The following TTC13 variants were observed in gnomAD, a reference collection of about 807,000 sequenced individuals.
The protein encoded by TTC13 is tetratricopeptide repeat protein 13.
A neutral mutation model predicts 120.0 loss-of-function variants in TTC13; 62 were observed. The ratio of observed to expected loss-of-function variants is 0.52; its 90% CI spans 0.42 to 0.64. The LOEUF is 0.64. TTC13 is among the 30% of genes least tolerant of loss of function. The probability of loss-of-function intolerance (pLI) is 0.00; values close to 1 mark genes in which losing one functional copy is unlikely to be tolerated. For missense variants in TTC13, 824 were observed against 1,050.2 expected (o/e 0.78, Z 2.98); for synonymous variants, 384 against 393.5 (o/e 0.98, Z 0.28).
chr1:230,954,517 T>G, intron 3 of TTC13, 114 bp from the exon 4 acceptor site: 2 of 744,004 alleles, frequency 2.7e-6, no homozygotes, highest in Non-Finnish European at 4.3e-6. Context: ...TGGAAGCAGT[T>G]AAAGAAAACC....
rs187941037 is a variant in TTC13, at chr1:230,939,334, A to G, written c.900+52T>C. 697 of 1,189,288 alleles carry G rather than the reference A, an allele frequency of 5.9e-4. 9 individuals carry two copies. In the African/African-American group the frequency reaches 9.1e-3, roughly 16 times the overall value. 73.7% of individuals were successfully genotyped at this position (1,189,288 alleles called of 1,614,324 possible). On this transcript the variant is annotated intron_variant, in intron 8 of 22. Coordinates refer to ENST00000366661, the MANE Select transcript of TTC13 (RefSeq NM_024525.5). ...CAATCAAACGAAATTCCTCCCACCC[A>G]CAAAAGAGAAGCAGAGTCATCATAT...
chr1:230,936,171 G>T (rs746481256), intron 8 of TTC13: 1 of 456,010 alleles, frequency 2.2e-6, no homozygotes, highest in Non-Finnish European at 4.4e-6. Context: ...ATGCTTGGAC[G>T]CCACAGTTCT....
Position 230,978,799 on chromosome 1 carries a change from C to A in TTC13, c.32G>T (p.Cys11Phe). 6.8e-7 allele frequency: 1 copy of A among 1,473,932 alleles called. No individual in the cohort carries two copies. Among genetic ancestry groups the A allele is most frequent in the Non-Finnish European group, 8.9e-7 (1 of 1,119,586 alleles). The allele number at this position is 1,473,932 out of a possible 1,614,324, so 91.3% of individuals were successfully genotyped here. A position where few individuals can be genotyped will look rare whatever the true frequency, so the allele number is the denominator to read the frequency against. Reference protein sequence around the residue: MAPAGCCCCCCFWGGAVAAAG... With the variant: MAPAGCCCCCFFWGGAVAAAG... The stretch of plus-strand genomic sequence containing the variant: ...GGCGGCCACAGCGCCGCCCCAGAAG[C>A]AGCAGCAGCAGCAGCAGCCGGCAGG... Residue 11 changes from cysteine to phenylalanine, a missense_variant, in exon 1 of 23, where the codon TGC (cysteine) becomes TTC (phenylalanine). Cys to Phe is a radical substitution (Grantham distance 205). This residue lies in a region of TTC13 where 160 missense variants were observed against 137.2 expected (regional missense o/e 1.17). Coordinates refer to ENST00000366661, the MANE Select transcript of TTC13 (RefSeq NM_024525.5). The surrounding 1 kb of genome is among the most constrained non-coding windows in gnomAD (Gnocchi z 5.6).
At chr1:230,908,535 T>TTG (rs1671166173) in intron 22 of TTC13, 177 bp downstream of exon 22, 1 of 622,032 alleles carries the variant, frequency 1.6e-6, no homozygotes, top group African/African-American at 1.8e-5. Flanking sequence ...AAAGGTTATC[T>TTG]TATACAACAG....
At chr1:230,958,887 G>A (rs1676359512) in intron 2 of TTC13, among the ~76,000 whole-genome samples, 1 of 152,174 alleles carries the variant, frequency 6.6e-6, no homozygotes, top group Non-Finnish European at 1.5e-5. Flanking sequence ...CAGCTACTTG[G>A]TTGGGGCTGA....
chr1:230,926,748 TTTA>T (rs1432438437), intron 12 of TTC13, among the ~76,000 whole-genome samples: 1 of 152,200 alleles, frequency 6.6e-6, no homozygotes, highest in Non-Finnish European at 1.5e-5. Flanking sequence ...CAATTTTCTT[TTTA>T]TTATTTTTGC....
intron 12 of TTC13, among the ~76,000 whole-genome samples, chr1:230,927,957 C>T (rs1673182422): frequency 1.3e-5 from 2 of 152,176 alleles, no homozygotes; most frequent in Admixed American, 6.5e-5. Context: ...CTCTAACACA[C>T]CTTTCCCATT....
At position 230,944,289 on chromosome 1, in the gene TTC13, A is replaced by G. The variant is rs996985204; in HGVS notation, c.580-391T>C. ...GAAATGGGTCAAGACAGTGTCTATC[A>G]AAAACATAAGCCTATAAATCTATAC... On this transcript the variant is annotated intron_variant, in intron 5 of 22. Transcript: ENST00000366661. The surrounding 1 kb of genome is among the most constrained non-coding windows in gnomAD (Gnocchi z 4.0). Among the ~76,000 whole-genome samples, 12 of 152,244 alleles carry G rather than the reference A, an allele frequency of 7.9e-5. No homozygotes were observed. The highest frequency in any genetic ancestry group is 1.6e-4 in the Non-Finnish European group (11 of 68,038).
chr1:230,978,009 T>G lies in TTC13; in HGVS notation c.271+551A>C, dbSNP rs1426338302. ...TGGAAGCAAGATGTCAACGAGCAGATAAGATGGGCTTGCTCTTTTTTTCCA... is the reference window on the plus strand; with the variant it reads ...TGGAAGCAAGATGTCAACGAGCAGAGAAGATGGGCTTGCTCTTTTTTTCCA... On this transcript the variant is annotated intron_variant, in intron 1 of 22. Transcript: ENST00000366661. The surrounding 1 kb of genome is among the most constrained non-coding windows in gnomAD (Gnocchi z 5.6). 6.6e-6 allele frequency among the ~76,000 whole-genome samples: 1 copy of G among 152,240 alleles called. No individual in the cohort carries two copies. The highest frequency in any genetic ancestry group is 2.4e-5 in the African/African-American group (1 of 41,462).
chr1:230,928,395 T>G (rs1023042800), intron 12 of TTC13, among the ~76,000 whole-genome samples: 1 of 152,236 alleles, frequency 6.6e-6, no homozygotes, highest in Non-Finnish European at 1.5e-5. Context: ...ATATTTTTGT[T>G]GCTTATATAT....
intron 1 of TTC13, among the ~76,000 whole-genome samples, chr1:230,963,102 G>A (rs1385535773): frequency 6.6e-6 from 1 of 152,106 alleles, no homozygotes; most frequent in Non-Finnish European, 1.5e-5. Context: ...AAAAAGATAT[G>A]TTCTAATTCA....
intron 1 of TTC13, among the ~76,000 whole-genome samples, chr1:230,970,445 C>T (rs1333744692): frequency 6.6e-6 from 1 of 152,078 alleles, no homozygotes; most frequent in Non-Finnish European, 1.5e-5. Flanking sequence ...TTATTAAGAC[C>T]ATCTGTATGC....
Position 230,912,673 on chromosome 1 carries a change from T to G in TTC13, c.2179A>C (p.Lys727Gln). 6.2e-7 allele frequency: 1 copy of G among 1,612,926 alleles called. No homozygotes were observed. The change falls in exon 19 of 23, where the codon AAA becomes CAA. Residue 727 changes from lysine to glutamine, a missense_variant. Transcript: ENST00000366661. ...ACTTTTCCTTTTGCTGTCAAATCTTTATAAAGTGCATCTATTTCAGCATGA... is the reference window on the plus strand; with the variant it reads ...ACTTTTCCTTTTGCTGTCAAATCTTGATAAAGTGCATCTATTTCAGCATGA... Reference protein sequence around the residue: ...LYHAEIDALYKDLTAKGKVLI... With the variant: ...LYHAEIDALYQDLTAKGKVLI...
In TTC13 at chr1:230,931,897, T is replaced by C. The variant is rs1558186450; in HGVS notation, c.984-20A>G. 2 of 1,611,124 alleles carry C rather than the reference T, an allele frequency of 1.2e-6. No individual in the cohort carries two copies. The highest frequency in any genetic ancestry group is 1.3e-5 in the African/African-American group (1 of 74,798). On this transcript the variant is annotated intron_variant, in intron 9 of 22. Coordinates refer to ENST00000366661, the MANE Select transcript of TTC13 (RefSeq NM_024525.5). Reference sequence around the variant, plus strand: ...AGTTCTCTAGGTATTTAATAATAGTTATGAATACAGTATAGATATTACGGG... The same window carrying C: ...AGTTCTCTAGGTATTTAATAATAGTCATGAATACAGTATAGATATTACGGG...
chr1:230,918,742 C>A (rs1425729029), intron 17 of TTC13, among the ~76,000 whole-genome samples: 1 of 152,138 alleles, frequency 6.6e-6, no homozygotes, highest in Non-Finnish European at 1.5e-5. Flanking sequence ...TCATCCACAC[C>A]CACCCAGGCA....
chr1:230,920,926 C>T (rs1453206752), intron 16 of TTC13, among the ~76,000 whole-genome samples: 2 of 152,120 alleles, frequency 1.3e-5, no homozygotes, highest in Admixed American at 1.3e-4. Context: ...TTTCCTATTC[C>T]AGCTCTAAAA....
At position 230,967,319 on chromosome 1, in the gene TTC13, A is replaced by G. The variant is rs1677222584; in HGVS notation, c.272-6016T>C. On this transcript the variant is annotated intron_variant, in intron 1 of 22. Coordinates refer to ENST00000366661, the MANE Select transcript of TTC13 (RefSeq NM_024525.5). ...AAAACTTTTTCACCTAACATTTATCAACATCCAGTGGAAAGCTGCTCTGTG... is the reference window on the plus strand; with the variant it reads ...AAAACTTTTTCACCTAACATTTATCGACATCCAGTGGAAAGCTGCTCTGTG... Among the ~76,000 whole-genome samples the G allele has an allele frequency of 2.0e-5, 3 of 152,260 alleles. No individual in the cohort carries two copies. In the South Asian group the frequency reaches 6.2e-4, roughly 32 times the overall value.
chr1:230,916,169 A>C (rs1303232238), intron 18 of TTC13, 24 bp downstream of exon 18: 1 of 1,544,612 alleles, frequency 6.5e-7, no homozygotes, highest in Non-Finnish European at 9.0e-7. Context: ...TCTAGTTTAC[A>C]CCCACATTAA....
rs113453367 is a variant in TTC13 at position 230,975,447 on chromosome 1, C to T, written c.271+3113G>A. ...AAAAAAGATTGCAGAGTGTTTATGA[C>T]AATATAACTAAAAAAGTGAGGAAAG... On this transcript the variant is annotated intron_variant, in intron 1 of 22. Coordinates refer to ENST00000366661, the MANE Select transcript of TTC13 (RefSeq NM_024525.5). 5.9e-3 allele frequency among the ~76,000 whole-genome samples: 905 copies of T among 152,144 alleles called. 7 individuals are homozygous for T. Among genetic ancestry groups the T allele is most frequent in the African/African-American group, 0.02 (845 of 41,514 alleles).
Sources: allele counts gnomAD v4.1 joint callset (sites outside exome capture counted in the v4.1 genomes callset), GRCh38; gene constraint gnomAD v4.1.1; regional missense constraint gnomAD v4.1.1; non-coding constraint Gnocchi (gnomAD v3.1); transcripts MANE v1.5; gene names NCBI Gene and HGNC (gene_info 2026-07-23, HGNC 2026-07-21).